SLTM: variants seen among roughly 807,000 people sequenced by gnomAD.
SLTM encodes SAFB-like transcription modulator.
SLTM carries 43 observed loss-of-function variants against 134.6 expected under a neutral mutation model. The ratio of observed to expected loss-of-function variants is 0.32; its 90% confidence interval spans 0.25 to 0.41. The LOEUF (loss-of-function observed/expected upper bound fraction) is 0.41, where lower values mean the gene tolerates loss of function less well. Among genes scored for constraint, SLTM ranks in the 10% least tolerant of loss-of-function variants. The pLI is 1.00. For missense variants in SLTM, 1,055 were observed against 1,288.8 expected (o/e 0.82, Z 2.78); for synonymous variants, 424 against 432.3 (o/e 0.98, Z 0.24).
At chr15:58,932,556 G>T in intron 1 of SLTM, 113 bp from the exon 2 acceptor site, 2 of 670,336 alleles carry the variant, frequency 3.0e-6, no homozygotes, top group Non-Finnish European at 5.1e-6. Flanking sequence ...AGAATTGCCA[G>T]TCATTTCATC....
chr15:58,922,628 T>C (rs1274870704), intron 2 of SLTM, among the ~76,000 whole-genome samples: 1 of 146,962 alleles, frequency 6.8e-6, no homozygotes, highest in Non-Finnish European at 1.5e-5. Flanking sequence ...TATACATGTA[T>C]AAAATATATA....
At chr15:58,922,935 C>T (rs2037199300) in intron 2 of SLTM, among the ~76,000 whole-genome samples, 1 of 151,950 alleles carries the variant, frequency 6.6e-6, no homozygotes, top group South Asian at 2.1e-4. Context: ...AGACTGGTCT[C>T]GAACTCCTGA....
intron 2 of SLTM, among the ~76,000 whole-genome samples, chr15:58,926,359 A>G (rs2037468310): frequency 6.6e-6 from 1 of 152,198 alleles, no homozygotes; most frequent in African/African-American, 2.4e-5. Context: ...AAGGGGGGAA[A>G]AAACCTTTAA....
chr15:58,918,777 A>G (rs2036820855), intron 2 of SLTM, among the ~76,000 whole-genome samples: 1 of 152,230 alleles, frequency 6.6e-6, no homozygotes. Flanking sequence ...TAATTTGTAC[A>G]TGAGAATTTC....
Position 58,893,665 on chromosome 15 carries a change from AAAG to A in SLTM, c.1648+153_1648+155del, listed in dbSNP as rs2034844144. On this transcript the variant is annotated intron_variant, in intron 12 of 20. Coordinates refer to ENST00000380516, the MANE Select transcript of SLTM (RefSeq NM_024755.4). ...CATTTGTTTGTTTCCCCAGAGTAGA[AAAG>A]AAGACAATTACTCCTACTAGACCTC... Among the ~76,000 whole-genome samples the A allele has an allele frequency of 5.3e-5, 8 of 152,186 alleles. 1 individual carries two copies. Among genetic ancestry groups the A allele is most frequent in the Admixed American group, 5.2e-4 (8 of 15,274 alleles).
chr15:58,888,665 A>G, intron 16 of SLTM, 110 bp from the exon 17 acceptor site: 1 of 990,334 alleles, frequency 1.0e-6, no homozygotes, highest in Non-Finnish European at 1.5e-6. Context: ...TAACAGGGCT[A>G]GTAAACTCAA....
At chr15:58,886,423 C>T (rs974507818) in intron 19 of SLTM, among the ~76,000 whole-genome samples, 20 of 152,086 alleles carry the variant, frequency 1.3e-4, no homozygotes, top group African/African-American at 3.6e-4. Context: ...CCCACCACCA[C>T]GCCCGGCTAA....
At position 58,879,253 on chromosome 15, in the gene SLTM, A is replaced by T. The variant is rs1286688663; in HGVS notation, c.*746T>A. The stretch of plus-strand genomic sequence containing the variant: ...CAAACAAACAGTGCAGATTACCTAA[A>T]AGTGCACTTACCTGCACAACTCGGT... On this transcript the variant is annotated 3_prime_UTR_variant, in exon 21 of 21. Coordinates refer to ENST00000380516, the MANE Select transcript of SLTM (RefSeq NM_024755.4). 1 of 152,188 alleles carries T rather than the reference A, an allele frequency of 6.6e-6. No homozygotes were observed. Among genetic ancestry groups the T allele is most frequent in the Admixed American group, 6.5e-5 (1 of 15,282 alleles). The allele number at this position is 152,188 out of a possible 1,614,324, so 9.4% of individuals were successfully genotyped here. A position where few individuals can be genotyped will look rare whatever the true frequency, so the allele number is the denominator to read the frequency against.
chr15:58,900,082 A>G (rs2035363635), intron 6 of SLTM, 145 bp from the exon 7 acceptor site: 2 of 643,752 alleles, frequency 3.1e-6, no homozygotes, highest in Admixed American at 3.0e-5. Context: ...ACACAAGGGT[A>G]TTAACTAACA....
intron 19 of SLTM, among the ~76,000 whole-genome samples, chr15:58,886,244 T>TGC (rs2034187250): frequency 6.8e-6 from 1 of 147,906 alleles, no homozygotes; most frequent in Non-Finnish European, 1.5e-5. Flanking sequence ...TGTGTGTGTG[T>TGC]GTGTGTGTGT....
rs1304867316 is a variant in SLTM, at chr15:58,924,664, G to C, written c.251-7665C>G. Among the ~76,000 whole-genome samples the C allele has an allele frequency of 2.6e-5, 4 of 152,120 alleles. 1 individual carries two copies. Among genetic ancestry groups the C allele is most frequent in the Non-Finnish European group, 5.9e-5 (4 of 68,030 alleles). On this transcript the variant is annotated intron_variant, in intron 2 of 20. Transcript: ENST00000380516. ...TGTATTTGAGAATTCTGAGGATTTT[G>C]GATGATAAATTGGCTTTCTCCTCCA...
At chr15:58,922,880 T>TA (rs1199032991) in intron 2 of SLTM, among the ~76,000 whole-genome samples, 3 of 151,754 alleles carry the variant, frequency 2.0e-5, no homozygotes, top group Admixed American at 6.6e-5. Flanking sequence ...CACATCCAGC[T>TA]AATTTTTGTA....
At chr15:58,912,124 G>C (rs1286878030) in intron 5 of SLTM, among the ~76,000 whole-genome samples, 7 of 143,962 alleles carry the variant, frequency 4.9e-5, no homozygotes, top group South Asian at 2.2e-4. Context: ...TTTTGAGACA[G>C]AGTCTCACTC....
At chr15:58,927,754 T>C (rs1243570184) in intron 2 of SLTM, among the ~76,000 whole-genome samples, 1 of 152,200 alleles carries the variant, frequency 6.6e-6, no homozygotes, top group African/African-American at 2.4e-5. Flanking sequence ...CTAAGAAATA[T>C]CTATAACAAT....
At position 58,893,907 on chromosome 15, in the gene SLTM, A is replaced by G. The variant is rs200097143; in HGVS notation, c.1562T>C (p.Ile521Thr). ...EKKESKDTKK[I>T]EGKDEKNDNG... is the part of the protein sequence containing the mutation. The stretch of plus-strand genomic sequence containing the variant: ...ATCATTCTTCTCATCTTTACCTTCT[A>G]TTTTCTTAGTATCCTTGCTTTCTTT... Residue 521 changes from isoleucine to threonine, a missense_variant, in exon 12 of 21, where the codon ATA becomes ACA. Physicochemically the swap from Ile to Thr is moderately conservative, Grantham distance 89 (BLOSUM62 -1). Around this residue, in one of 3 missense-constraint regions of SLTM, gnomAD observed 776 missense variants for 962.2 expected, o/e 0.81. Coordinates refer to ENST00000380516, the MANE Select transcript of SLTM (RefSeq NM_024755.4). 5 of 1,612,104 alleles carry G rather than the reference A, an allele frequency of 3.1e-6. No individual in the cohort carries two copies. The highest frequency in any genetic ancestry group is 1.1e-5 in the South Asian group (1 of 90,748).
At chr15:58,881,941 T>A (rs1469995011) in intron 20 of SLTM, among the ~76,000 whole-genome samples, 4 of 151,522 alleles carry the variant, frequency 2.6e-5, no homozygotes, top group African/African-American at 4.8e-5. Context: ...CCGGGCGCAG[T>A]GGCTCATGCC....
chr15:58,904,609 G>A (rs962551465), intron 5 of SLTM, among the ~76,000 whole-genome samples: 7 of 149,388 alleles, frequency 4.7e-5, no homozygotes, highest in African/African-American at 1.5e-4. Context: ...GCAGTGGCAC[G>A]ATCTCAGCTC....
At chr15:58,902,007 A>C (rs1265553225) in intron 5 of SLTM, among the ~76,000 whole-genome samples, 2 of 152,200 alleles carry the variant, frequency 1.3e-5, no homozygotes, top group African/African-American at 4.8e-5. Context: ...TTAAAATATG[A>C]CTTTAATTTT....
chr15:58,928,478 G>A (rs1243810275), intron 2 of SLTM, among the ~76,000 whole-genome samples: 4 of 152,064 alleles, frequency 2.6e-5, no homozygotes, highest in African/African-American at 7.2e-5. Flanking sequence ...TACATGTAAA[G>A]GAATTTTATA....
Sources: allele counts gnomAD v4.1 joint callset (sites outside exome capture counted in the v4.1 genomes callset), GRCh38; gene constraint gnomAD v4.1.1; regional missense constraint gnomAD v4.1.1; transcripts MANE v1.5; gene names NCBI Gene and HGNC (gene_info 2026-07-23, HGNC 2026-07-21).